FHIT: variants seen among roughly 807,000 people sequenced by gnomAD.
FHIT encodes the protein fragile histidine triad diadenosine triphosphatase.
Under a neutral mutation model 17.9 loss-of-function variants are expected in FHIT, and 19 were observed. That is an observed-to-expected ratio of 1.06 (90% CI 0.74 to 1.56). The LOEUF (loss-of-function observed/expected upper bound fraction) is 1.56, where lower values mean the gene tolerates loss of function less well. Among genes scored for constraint, FHIT ranks in the 40% most tolerant of loss-of-function variants. The pLI is 0.00. For missense variants in FHIT, 248 were observed against 189.2 expected (o/e 1.31, Z -1.82); for synonymous variants, 81 against 69.7 (o/e 1.16, Z -0.81).
intron 8 of FHIT, among the ~76,000 whole-genome samples, chr3:59,755,485 T>C (rs1008830271): frequency 7.2e-5 from 11 of 152,226 alleles, no homozygotes; most frequent in Admixed American, 3.9e-4. Flanking sequence ...TGATCTTAAA[T>C]AGTAGTTTAT....
At position 60,569,287 on chromosome 3, in the gene FHIT, A is replaced by G. The variant is rs183137234; in HGVS notation, c.-17-32308T>C. 2.3e-3 allele frequency among the ~76,000 whole-genome samples: 349 copies of G among 152,208 alleles called. 3 individuals carry two copies. Among genetic ancestry groups the G allele is most frequent in the African/African-American group, 7.9e-3 (329 of 41,542 alleles). On this transcript the variant is annotated intron_variant, in intron 4 of 9. Transcript: ENST00000492590. ...CATTTTCCTCTTTAATTGTACTTCT[A>G]AGGATACCTCCTGGCCACCAAAGGA... is the stretch of plus-strand genomic sequence containing the variant.
At chr3:59,847,217 C>T (rs545694306) in intron 8 of FHIT, among the ~76,000 whole-genome samples, 10 of 152,222 alleles carry the variant, frequency 6.6e-5, no homozygotes, top group African/African-American at 9.6e-5. Context: ...ACAATGCATA[C>T]GTTGGTTCAC....
intron 4 of FHIT, among the ~76,000 whole-genome samples, chr3:60,610,633 C>T (rs1393086408): frequency 1.3e-5 from 2 of 152,156 alleles, no homozygotes; most frequent in African/African-American, 4.8e-5. Flanking sequence ...TTATTAAGTA[C>T]CCACATACTG....
intron 8 of FHIT, among the ~76,000 whole-genome samples, chr3:59,753,105 G>A (rs1701009669): frequency 6.6e-6 from 1 of 152,088 alleles, no homozygotes; most frequent in Admixed American, 6.6e-5. Context: ...CTTCAAGGTG[G>A]CCTGTGGTTT....
chr3:60,147,466 T>C (rs923748211), intron 5 of FHIT, among the ~76,000 whole-genome samples: 2 of 152,084 alleles, frequency 1.3e-5, no homozygotes, highest in Non-Finnish European at 2.9e-5. Flanking sequence ...TGCAGTGCCT[T>C]TGCGCTCCCA....
intron 4 of FHIT, among the ~76,000 whole-genome samples, chr3:60,781,368 A>G (rs1700383456): frequency 6.6e-6 from 1 of 152,212 alleles, no homozygotes; most frequent in African/African-American, 2.4e-5. Flanking sequence ...CCAGTCAAGA[A>G]GCACACAAAT....
chr3:60,180,274 G>T (rs746877585), intron 5 of FHIT, among the ~76,000 whole-genome samples: 3 of 152,144 alleles, frequency 2.0e-5, no homozygotes, highest in Non-Finnish European at 4.4e-5. Flanking sequence ...CCGTGCTGTT[G>T]CAACAAAAAT....
intron 5 of FHIT, among the ~76,000 whole-genome samples, chr3:60,293,063 C>A (rs1039600516): frequency 6.6e-6 from 1 of 152,140 alleles, no homozygotes; most frequent in Non-Finnish European, 1.5e-5. Flanking sequence ...AAACCCACAG[C>A]TTTCAGAGCA....
intron 3 of FHIT, among the ~76,000 whole-genome samples, chr3:60,830,613 A>G (rs1553742243): frequency 6.6e-6 from 1 of 152,190 alleles, no homozygotes; most frequent in African/African-American, 2.4e-5. Flanking sequence ...TTGTAATTCT[A>G]TATCCTAATG....
rs553401514 is a variant in FHIT, at chr3:59,923,256, C to G, written c.280-842G>C. Among the ~76,000 whole-genome samples, 3 of 140,558 alleles carry G rather than the reference C, an allele frequency of 2.1e-5. No homozygotes were observed. In the East Asian group the frequency reaches 6.2e-4, roughly 29 times the overall value. The allele number at this position is 140,558 out of a possible 152,430, so 92.2% of individuals were successfully genotyped here. A position where few individuals can be genotyped will look rare whatever the true frequency, so the allele number is the denominator to read the frequency against. ...AAAAAAAAAAAAAAAAAAAAAATCC[C>G]GTGAGGCAAGGTCTACTATGATCTC... On this transcript the variant is annotated intron_variant, in intron 7 of 9. Transcript: ENST00000492590.
chr3:60,445,489 A>C (rs900017015), intron 5 of FHIT, among the ~76,000 whole-genome samples: 14 of 152,150 alleles, frequency 9.2e-5, no homozygotes, highest in African/African-American at 3.4e-4. Flanking sequence ...AAGAAAAAAA[A>C]AAGAAACAAA....
At chr3:60,328,029 T>A (rs1322162269) in intron 5 of FHIT, among the ~76,000 whole-genome samples, 1 of 152,128 alleles carries the variant, frequency 6.6e-6, no homozygotes, top group African/African-American at 2.4e-5. Flanking sequence ...AATGTAATGC[T>A]CACTCAATCA....
intron 4 of FHIT, among the ~76,000 whole-genome samples, chr3:60,587,660 A>G (rs1160873411): frequency 6.6e-6 from 1 of 152,068 alleles, no homozygotes; most frequent in Non-Finnish European, 1.5e-5. Flanking sequence ...GAAGCCACGC[A>G]GTTCCACTAA....
At chr3:60,865,241 G>C (rs1553753597) in intron 3 of FHIT, among the ~76,000 whole-genome samples, 1 of 152,110 alleles carries the variant, frequency 6.6e-6, no homozygotes, top group East Asian at 1.9e-4. Flanking sequence ...CTATGCTGTT[G>C]AATGTGGTAG....
chr3:59,870,754 T>C (rs1702879474), intron 8 of FHIT, among the ~76,000 whole-genome samples: 1 of 152,192 alleles, frequency 6.6e-6, no homozygotes. Flanking sequence ...TAGGTACTAT[T>C]TGATAAACCA....
chr3:59,992,971 G>A (rs929567739), intron 7 of FHIT, among the ~76,000 whole-genome samples: 5 of 151,970 alleles, frequency 3.3e-5, no homozygotes, highest in Admixed American at 6.6e-5. Context: ...TATTCTACCC[G>A]TAAGAAGTCC....
At chr3:60,188,107 C>T (rs1258197639) in intron 5 of FHIT, among the ~76,000 whole-genome samples, 1 of 151,884 alleles carries the variant, frequency 6.6e-6, no homozygotes, top group Non-Finnish European at 1.5e-5. Context: ...ACCATCTACA[C>T]CTTTTGTCAG....
At chr3:60,677,634 ATG>A (rs10664035) in intron 4 of FHIT, among the ~76,000 whole-genome samples, 23 of 151,446 alleles carry the variant, frequency 1.5e-4, no homozygotes, top group African/African-American at 5.3e-4. Context: ...GTATATGTGT[ATG>A]TGTGTGTGTA....
intron 5 of FHIT, among the ~76,000 whole-genome samples, chr3:60,147,715 G>C (rs1373727617): frequency 6.6e-6 from 1 of 152,182 alleles, no homozygotes; most frequent in African/African-American, 2.4e-5. Context: ...TAAAGGAGTT[G>C]AGTTAGGCTA....
Sources: gnomAD v4.1 joint callset for allele counts (sites outside exome capture counted in the v4.1 genomes callset) on GRCh38, gnomAD v4.1.1 for gene constraint, MANE v1.5 for transcripts, NCBI Gene and HGNC (gene_info 2026-07-23, HGNC 2026-07-21) for gene names.